The following ENAH variants were observed in gnomAD, a reference collection of about 807,000 sequenced individuals.
ENAH encodes protein enabled homolog.
Under a neutral mutation model 78.7 loss-of-function variants are expected in ENAH, and 23 were observed. That is an observed-to-expected ratio of 0.29 (90% CI 0.21 to 0.41). The LOEUF is 0.41. Ranked by LOEUF, ENAH falls within the 10% of genes least tolerant of loss-of-function variation. The pLI is 1.00. For synonymous variants in ENAH, 226 were observed against 241.0 expected (o/e 0.94, Z 0.58); for missense variants, 544 against 691.0 (o/e 0.79, Z 2.39).
rs1207161524 is a variant in ENAH at position 225,491,482 on chromosome 1, A to AC, written c.*6292_*6293insG. 6.6e-6 allele frequency: 1 copy of AC among 151,870 alleles called. No homozygotes were observed. The highest frequency in any genetic ancestry group is 1.5e-5 in the Non-Finnish European group (1 of 67,982). The allele number at this position is 151,870 out of a possible 1,614,324, so 9.4% of individuals were successfully genotyped here. Reference sequence around the variant, plus strand: ...TTTAAAATGCCTTTAATCTTTAAAAAAAAAAATAAAAGAAAAAGAAAAAAA... The same window carrying AC: ...TTTAAAATGCCTTTAATCTTTAAAAACAAAAAATAAAAGAAAAAGAAAAAAA... On this transcript the variant is annotated 3_prime_UTR_variant, in exon 14 of 14. Coordinates refer to ENST00000366843, the MANE Select transcript of ENAH (RefSeq NM_018212.6).
At chr1:225,609,656 A>ATTTTTTT (rs59508510) in intron 1 of ENAH, among the ~76,000 whole-genome samples, 5 of 76,506 alleles carry the variant, frequency 6.5e-5, no homozygotes, top group Admixed American at 1.7e-4. Flanking sequence ...GGAAAAATGG[A>ATTTTTTT]TTTTTTTTTT....
chr1:225,502,156 A>G (rs774475828), intron 11 of ENAH, among the ~76,000 whole-genome samples: 8 of 152,174 alleles, frequency 5.3e-5, no homozygotes, highest in Non-Finnish European at 1.0e-4. Flanking sequence ...AATACTTTAA[A>G]CCCATAGGCA....
At chr1:225,621,296 C>CTTTTTT (rs757480714) in intron 1 of ENAH, among the ~76,000 whole-genome samples, 16 of 142,764 alleles carry the variant, frequency 1.1e-4, no homozygotes, top group Middle Eastern at 3.6e-3. Flanking sequence ...ATCTATCTCT[C>CTTTTTT]TTTTTTTTTT....
At chr1:225,620,386 C>T (rs535768244) in intron 1 of ENAH, among the ~76,000 whole-genome samples, 16 of 151,776 alleles carry the variant, frequency 1.1e-4, no homozygotes, top group South Asian at 1.0e-3. Flanking sequence ...ATTAGCTGGG[C>T]GTGGTGCCAC....
chr1:225,522,535 T>G (rs1335111059), intron 4 of ENAH, among the ~76,000 whole-genome samples: 1 of 152,148 alleles, frequency 6.6e-6, no homozygotes, highest in Non-Finnish European at 1.5e-5. Flanking sequence ...GCTGCCAAAG[T>G]TTTTGAGGGA....
chr1:225,585,426 G>A (rs1297316029), intron 1 of ENAH, among the ~76,000 whole-genome samples: 1 of 151,986 alleles, frequency 6.6e-6, no homozygotes, highest in Non-Finnish European at 1.5e-5. Flanking sequence ...AATAACTGCA[G>A]AATACACATT....
intron 2 of ENAH, among the ~76,000 whole-genome samples, chr1:225,558,290 C>T (rs1489005248): frequency 6.6e-6 from 1 of 152,074 alleles, no homozygotes. Context: ...GAAAAAAGTA[C>T]GTAATACTGG....
chr1:225,513,166 A>G, intron 7 of ENAH, 150 bp from the exon 8 acceptor site: 2 of 661,814 alleles, frequency 3.0e-6, no homozygotes, highest in Non-Finnish European at 4.8e-6. Context: ...ATAGATTCTT[A>G]GCATGACTTT....
chr1:225,587,006 G>A (rs556696281), intron 1 of ENAH, among the ~76,000 whole-genome samples: 3 of 152,202 alleles, frequency 2.0e-5, no homozygotes, highest in Non-Finnish European at 4.4e-5. Flanking sequence ...CATCTGTCTT[G>A]ACAAAAACTC....
At chr1:225,643,968 A>G (rs17569194) in intron 1 of ENAH, among the ~76,000 whole-genome samples, 16,428 of 152,120 alleles carry the variant, frequency 0.11, 1,127 homozygotes, top group Non-Finnish European at 0.15. Context: ...TAAAAAGTAT[A>G]GATATTATAT....
intron 1 of ENAH, among the ~76,000 whole-genome samples, chr1:225,612,260 G>A (rs771708884): frequency 2.0e-5 from 3 of 152,324 alleles, no homozygotes; most frequent in African/African-American, 4.8e-5. Flanking sequence ...AAGGGAAGAC[G>A]TACTGACACT....
chr1:225,568,010 T>C (rs2151515829), intron 1 of ENAH, among the ~76,000 whole-genome samples: 2 of 152,262 alleles, frequency 1.3e-5, no homozygotes, highest in South Asian at 4.1e-4. Context: ...TGTAACTAAA[T>C]TCCTCATTCG....
At chr1:225,613,581 C>T (rs1295123176) in intron 1 of ENAH, among the ~76,000 whole-genome samples, 1 of 152,056 alleles carries the variant, frequency 6.6e-6, no homozygotes, top group African/African-American at 2.4e-5. Context: ...ACAAACAACA[C>T]TTATTGAACC....
At chr1:225,612,536 T>C (rs71646729) in intron 1 of ENAH, among the ~76,000 whole-genome samples, 10,070 of 152,282 alleles carry the variant, frequency 0.066, 427 homozygotes, top group Middle Eastern at 0.1. Flanking sequence ...TGTGGATTTA[T>C]TTAATGCCAC....
chr1:225,621,607 A>G (rs943500601), intron 1 of ENAH, among the ~76,000 whole-genome samples: 3 of 152,130 alleles, frequency 2.0e-5, no homozygotes, highest in Admixed American at 6.5e-5. Flanking sequence ...CTATCTCTTA[A>G]TCAACCACTA....
At chr1:225,612,816 C>G (rs2096998410) in intron 1 of ENAH, among the ~76,000 whole-genome samples, 1 of 150,282 alleles carries the variant, frequency 6.7e-6, no homozygotes, top group Non-Finnish European at 1.5e-5. Flanking sequence ...ATCCAAAGTG[C>G]TCACTGTAAT....
intron 1 of ENAH, among the ~76,000 whole-genome samples, chr1:225,597,371 C>T (rs907717863): frequency 6.6e-6 from 1 of 152,042 alleles, no homozygotes; most frequent in African/African-American, 2.4e-5. Context: ...TTAAAAGACA[C>T]AAAGAAGGCC....
At chr1:225,643,592 C>T (rs528572882) in intron 1 of ENAH, among the ~76,000 whole-genome samples, 3 of 152,094 alleles carry the variant, frequency 2.0e-5, no homozygotes, top group Non-Finnish European at 4.4e-5. Context: ...CCATCCAAAG[C>T]AATGGAATAT....
chr1:225,518,586 G>A (rs989193323), intron 5 of ENAH, among the ~76,000 whole-genome samples: 2 of 152,046 alleles, frequency 1.3e-5, no homozygotes, highest in African/African-American at 4.8e-5. Flanking sequence ...TAGGCCATAA[G>A]GAATATTCTT....
Sources: allele counts gnomAD v4.1 joint callset (sites outside exome capture counted in the v4.1 genomes callset), GRCh38; gene constraint gnomAD v4.1.1; transcripts MANE v1.5; gene names NCBI Gene and HGNC (gene_info 2026-07-23, HGNC 2026-07-21).